Variants in SMURF2 observed in about 807,000 individuals in gnomAD.
SMURF2 encodes E3 ubiquitin-protein ligase SMURF2.
Under a neutral mutation model 109.6 loss-of-function variants are expected in SMURF2, and 48 were observed. The ratio of observed to expected loss-of-function variants is 0.44; its 90% CI spans 0.35 to 0.56. The LOEUF (loss-of-function observed/expected upper bound fraction) is 0.56. Ranked by LOEUF, SMURF2 falls within the 20% of genes least tolerant of loss-of-function variation. SMURF2 has a pLI of 0.01. For synonymous variants in SMURF2, 288 were observed against 317.1 expected (o/e 0.91, Z 0.97); for missense variants, 575 against 909.0 (o/e 0.63, Z 4.72).
chr17:64,566,775 T>C (rs1489328670), intron 10 of SMURF2, among the ~76,000 whole-genome samples: 2 of 151,256 alleles, frequency 1.3e-5, no homozygotes, highest in Non-Finnish European at 2.9e-5. Flanking sequence ...TTTCACCATA[T>C]TGGCCAGGCT....
intron 1 of SMURF2, among the ~76,000 whole-genome samples, chr17:64,612,203 A>C (rs916049134): frequency 1.6e-4 from 24 of 152,110 alleles, no homozygotes; most frequent in Non-Finnish European, 2.9e-4. Context: ...TACAGCACGA[A>C]TCATGCCTGC....
At chr17:64,607,788 T>C (rs1262874792) in intron 1 of SMURF2, among the ~76,000 whole-genome samples, 1 of 151,706 alleles carries the variant, frequency 6.6e-6, no homozygotes, top group Non-Finnish European at 1.5e-5. Flanking sequence ...CTGGCTAACA[T>C]GATGAAACTG....
chr17:64,606,851 A>G lies in SMURF2; in HGVS notation c.53-211T>C, dbSNP rs1478577334. Among the ~76,000 whole-genome samples the G allele has an allele frequency of 3.3e-5, 5 of 152,192 alleles. No homozygotes were observed. The South Asian group carries it at 6.2e-4, about 19-fold the overall frequency. ...TGATCACCAGTAATAGCTGAGGGCAAGAAAGTTTATAAATCTGATATTCTA... is the reference window on the plus strand; with the variant it reads ...TGATCACCAGTAATAGCTGAGGGCAGGAAAGTTTATAAATCTGATATTCTA... On this transcript the variant is annotated intron_variant, in intron 1 of 18. Transcript: ENST00000262435.
intron 9 of SMURF2, among the ~76,000 whole-genome samples, chr17:64,577,238 G>A (rs1340139916): frequency 1.3e-5 from 2 of 152,016 alleles, no homozygotes; most frequent in Non-Finnish European, 2.9e-5. Flanking sequence ...AAAAGGATGA[G>A]TTCATGTCCT....
rs1970386293 is a variant in SMURF2, at chr17:64,634,287, C to G, written c.52+27542G>C. On this transcript the variant is annotated intron_variant, in intron 1 of 18. Coordinates refer to ENST00000262435, the MANE Select transcript of SMURF2 (RefSeq NM_022739.4). Reference sequence around the variant, plus strand: ...TTTCAGCTGGGCATTTCTTTACCACCTTCCACAGCACCAGGTATTCCTGGG... The same window carrying G: ...TTTCAGCTGGGCATTTCTTTACCACGTTCCACAGCACCAGGTATTCCTGGG... Among the ~76,000 whole-genome samples, 3 of 152,218 alleles carry G rather than the reference C, an allele frequency of 2.0e-5. No individual in the cohort carries two copies. The South Asian group carries it at 6.2e-4, about 32-fold the overall frequency.
chr17:64,616,109 C>T (rs1476160998), intron 1 of SMURF2, among the ~76,000 whole-genome samples: 6 of 152,074 alleles, frequency 3.9e-5, no homozygotes, highest in African/African-American at 9.7e-5. Flanking sequence ...GGATTACAGG[C>T]GTCAGCCACC....
chr17:64,548,596 C>T (rs1555683353), intron 16 of SMURF2, among the ~76,000 whole-genome samples: 2 of 152,126 alleles, frequency 1.3e-5, no homozygotes, highest in African/African-American at 4.8e-5. Flanking sequence ...CCATGTTGGC[C>T]AGGCTGGTCT....
At chr17:64,615,253 A>AGACT (rs1365726665) in intron 1 of SMURF2, among the ~76,000 whole-genome samples, 2 of 152,036 alleles carry the variant, frequency 1.3e-5, no homozygotes, top group African/African-American at 4.8e-5. Context: ...GATTGGAATG[A>AGACT]GACTGCTTGA....
intron 5 of SMURF2, 79 bp downstream of exon 5, chr17:64,591,005 A>C (rs1969743878): frequency 5.8e-6 from 6 of 1,026,914 alleles, no homozygotes; most frequent in Middle Eastern, 2.1e-4. Flanking sequence ...TACAGTTATT[A>C]TACTTTGATT....
chr17:64,636,362 G>A (rs1407853853), intron 1 of SMURF2, among the ~76,000 whole-genome samples: 1 of 152,056 alleles, frequency 6.6e-6, no homozygotes, highest in African/African-American at 2.4e-5. Context: ...CAGCACTTTG[G>A]GAGGCTGAGG....
chr17:64,578,680 T>C, intron 8 of SMURF2, 104 bp from the exon 9 acceptor site: 1 of 679,802 alleles, frequency 1.5e-6, no homozygotes, highest in Non-Finnish European at 2.5e-6. Flanking sequence ...ATCTCCAAAT[T>C]ACCAATCTAT....
chr17:64,602,423 CCTTT>C (rs1250381860), intron 2 of SMURF2, among the ~76,000 whole-genome samples: 7 of 152,098 alleles, frequency 4.6e-5, no homozygotes, highest in African/African-American at 1.7e-4. Flanking sequence ...TTTTATGTTC[CCTTT>C]CTGTTAAATA....
intron 1 of SMURF2, among the ~76,000 whole-genome samples, chr17:64,648,741 G>A (rs1226929600): frequency 1.3e-5 from 2 of 152,136 alleles, no homozygotes; most frequent in African/African-American, 4.8e-5. Flanking sequence ...GCGACAGAGT[G>A]AGACCCTGTT....
chr17:64,546,033 C>G (rs1484358710), intron 18 of SMURF2, 86 bp from the exon 19 acceptor site: 1 of 944,684 alleles, frequency 1.1e-6, no homozygotes. Flanking sequence ...AGCCACATCA[C>G]TCTGTGTCAC....
intron 2 of SMURF2, among the ~76,000 whole-genome samples, chr17:64,601,637 T>C (rs1555688585): frequency 6.6e-6 from 1 of 152,136 alleles, no homozygotes; most frequent in East Asian, 1.9e-4. Flanking sequence ...GAAAACAGTG[T>C]GGAGATTCCT....
intron 5 of SMURF2, among the ~76,000 whole-genome samples, chr17:64,588,744 T>A (rs1555687364): frequency 1.3e-5 from 2 of 152,020 alleles, no homozygotes; most frequent in African/African-American, 4.8e-5. Context: ...CTTAGCCTCC[T>A]GAGTAGCTGG....
chr17:64,656,217 A>G (rs1258953185), intron 1 of SMURF2, among the ~76,000 whole-genome samples: 1 of 151,628 alleles, frequency 6.6e-6, no homozygotes, highest in East Asian at 1.9e-4. Flanking sequence ...GACTCCTAAG[A>G]TAACACATTT....
intron 1 of SMURF2, among the ~76,000 whole-genome samples, chr17:64,645,421 T>C (rs1042786484): frequency 2.6e-5 from 4 of 151,990 alleles, no homozygotes; most frequent in Non-Finnish European, 5.9e-5. Flanking sequence ...GGTACAGTGG[T>C]GTACAGCTGT....
chr17:64,596,585 CAAAAA>C (rs201858792), intron 3 of SMURF2, among the ~76,000 whole-genome samples: 1 of 45,462 alleles, frequency 2.2e-5, no homozygotes, highest in Non-Finnish European at 5.1e-5. Flanking sequence ...GGAGAGTAAA[CAAAAA>C]AAAAAAAAAA....
Sources: gnomAD v4.1 joint callset for allele counts (sites outside exome capture counted in the v4.1 genomes callset) on GRCh38, gnomAD v4.1.1 for gene constraint, MANE v1.5 for transcripts, NCBI Gene and HGNC (gene_info 2026-07-23, HGNC 2026-07-21) for gene names.